Variants in ZNF536 observed in about 807,000 individuals in gnomAD.
The protein encoded by ZNF536 is zinc finger protein 536.
In ZNF536, 13 loss-of-function variants were observed where a neutral mutation model predicts 84.5. The observed-to-expected ratio is 0.15, with a 90% CI of 0.10 to 0.24. The LOEUF is 0.24. Ranked by LOEUF, ZNF536 falls within the 10% of genes least tolerant of loss-of-function variation. The pLI is 1.00. For missense variants in ZNF536, 1,536 were observed against 1,747.5 expected (o/e 0.88, Z 2.16); for synonymous variants, 811 against 742.5 (o/e 1.09, Z -1.50).
intron 1 of ZNF536, among the ~76,000 whole-genome samples, chr19:30,386,466 T>C (rs894994039): frequency 7.2e-5 from 11 of 152,176 alleles, no homozygotes; most frequent in Non-Finnish European, 1.6e-4. Flanking sequence ...AGAGTCGACC[T>C]CTCTGGGCTC....
intron 2 of ZNF536, among the ~76,000 whole-genome samples, chr19:30,325,270 T>C (rs1321775862): frequency 6.6e-6 from 1 of 152,210 alleles, no homozygotes; most frequent in Admixed American, 6.5e-5. Flanking sequence ...GATTTGCCTG[T>C]GACTCTCACC....
At chr19:30,368,246 C>T (rs1271247309), upstream of ZNF536, among the ~76,000 whole-genome samples, 1 of 152,218 alleles carries the variant, frequency 6.6e-6, no homozygotes, top group Admixed American at 6.5e-5. Flanking sequence ...AAACACAAGT[C>T]GTGTTCTTCC....
intron 1 of ZNF536, among the ~76,000 whole-genome samples, chr19:30,696,081 C>T (rs1314230832): frequency 1.3e-5 from 2 of 152,208 alleles, no homozygotes; most frequent in South Asian, 2.1e-4. Context: ...ATACACAACT[C>T]TAGCTTTGTT....
chr19:30,495,885 C>T (rs761243610), intron 2 of ZNF536, among the ~76,000 whole-genome samples: 3 of 152,090 alleles, frequency 2.0e-5, no homozygotes, highest in Admixed American at 2.0e-4. Flanking sequence ...GACTTTGTAG[C>T]GGATGGTTTC....
chr19:30,400,082 C>G (rs1165423717), intron 1 of ZNF536, among the ~76,000 whole-genome samples: 3 of 152,050 alleles, frequency 2.0e-5, no homozygotes, highest in Non-Finnish European at 4.4e-5. Flanking sequence ...TTCTGAGTAG[C>G]ACCTCATGGC....
chr19:30,338,960 C>G (rs961384314), intron 2 of ZNF536, among the ~76,000 whole-genome samples: 1 of 152,138 alleles, frequency 6.6e-6, no homozygotes, highest in Admixed American at 6.5e-5. Flanking sequence ...GAGTGCAGCA[C>G]CTGCCAGCCC....
chr19:30,669,718 C>G (rs2050471875), intron 1 of ZNF536, among the ~76,000 whole-genome samples: 1 of 152,232 alleles, frequency 6.6e-6, no homozygotes, highest in South Asian at 2.1e-4. Flanking sequence ...CACCAACTGA[C>G]AAACACCCAA....
chr19:30,642,842 T>A (rs1328533555), intron 1 of ZNF536, among the ~76,000 whole-genome samples: 1 of 152,142 alleles, frequency 6.6e-6, no homozygotes, highest in Non-Finnish European at 1.5e-5. Context: ...GATCTCTTTG[T>A]CCTGAGCACC....
At chr19:30,311,478 T>C (rs577928553) in intron 2 of ZNF536, among the ~76,000 whole-genome samples, 145 of 152,386 alleles carry the variant, frequency 9.5e-4, no homozygotes, top group African/African-American at 3.4e-3. Flanking sequence ...TCTGGTGCCC[T>C]AGGCAGGTGC....
chr19:30,711,756 C>A (rs1467782494), exon 2 of ZNF536: 1 of 151,302 alleles, frequency 6.6e-6, no homozygotes, highest in African/African-American at 2.4e-5. Context: ...GCCTTTTCTT[C>A]TTTTTTAAAA....
intron 1 of ZNF536, among the ~76,000 whole-genome samples, chr19:30,699,869 C>G (rs563731770): frequency 9.4e-4 from 143 of 152,312 alleles, no homozygotes; most frequent in African/African-American, 3.4e-3. Flanking sequence ...ACCCTGCAGG[C>G]CTGACCCACT....
At position 30,470,754 on chromosome 19, in the gene ZNF536, C is replaced by T. The variant is rs1473347392; in HGVS notation, c.2170+25022C>T. On this transcript the variant is annotated intron_variant, in intron 2 of 4. Coordinates refer to ENST00000355537, the MANE Select transcript of ZNF536 (RefSeq NM_014717.3). Reference sequence around the variant, plus strand: ...AGGCTGGAGTGCAGTGGTGTGGTCTCGGCTCACTGCAGCCTCCACCTCCCT... The same window carrying T: ...AGGCTGGAGTGCAGTGGTGTGGTCTTGGCTCACTGCAGCCTCCACCTCCCT... Among the ~76,000 whole-genome samples the T allele has an allele frequency of 7.5e-5, 11 of 147,062 alleles. No individual in the cohort carries two copies. The South Asian group carries it at 2.2e-3, about 29-fold the overall frequency.
At chr19:30,567,815 C>T (rs1217686619) in intron 1 of ZNF536, among the ~76,000 whole-genome samples, 3 of 152,162 alleles carry the variant, frequency 2.0e-5, no homozygotes, top group Admixed American at 1.3e-4. Context: ...TTCACATGTG[C>T]CCAATTACCT....
At chr19:30,678,930 C>T (rs1391802239) in intron 1 of ZNF536, among the ~76,000 whole-genome samples, 1 of 152,026 alleles carries the variant, frequency 6.6e-6, no homozygotes, top group Non-Finnish European at 1.5e-5. Context: ...AGTGAGACTC[C>T]ATCCTAAAAA....
chr19:30,228,771 G>C lies in ZNF536; in HGVS notation c.-190+98G>C, dbSNP rs1346631922. On this transcript the variant is annotated intron_variant, in intron 1 of 5. Coordinates refer to the ZNF536 transcript ENST00000585628. The surrounding 1 kb of genome is among the most constrained non-coding windows in gnomAD (Gnocchi z 4.5). ...GCGCGCCGCCCCGGGCCGGCCTCGC[G>C]TGTGGGCGGCTGGGCGGCTGGGCGG... 3.3e-5 allele frequency: 5 copies of C among 150,932 alleles called. No homozygotes were observed. Among genetic ancestry groups the C allele is most frequent in the Admixed American group, 1.3e-4 (2 of 15,158 alleles). The allele number at this position is 150,932 out of a possible 1,614,324, so 9.3% of individuals were successfully genotyped here.
At chr19:30,289,347 A>G (rs1302095643) in intron 2 of ZNF536, among the ~76,000 whole-genome samples, 2 of 152,228 alleles carry the variant, frequency 1.3e-5, no homozygotes, top group Non-Finnish European at 2.9e-5. Flanking sequence ...TAATTGTACC[A>G]TCGTAACCAC....
At chr19:30,675,399 C>T (rs757447728) in intron 1 of ZNF536, among the ~76,000 whole-genome samples, 3 of 152,122 alleles carry the variant, frequency 2.0e-5, no homozygotes, top group East Asian at 1.9e-4. Context: ...TGAGAAAGGA[C>T]GCTGTTCCTA....
At chr19:30,638,175 G>A (rs994374977) in intron 1 of ZNF536, among the ~76,000 whole-genome samples, 1 of 152,220 alleles carries the variant, frequency 6.6e-6, no homozygotes, top group African/African-American at 2.4e-5. Flanking sequence ...AGAAAGCCAG[G>A]CCAGGGTGGC....
chr19:30,704,374 C>G (rs951652954), intron 1 of ZNF536, among the ~76,000 whole-genome samples: 1 of 152,076 alleles, frequency 6.6e-6, no homozygotes, highest in Non-Finnish European at 1.5e-5. Context: ...GGGCTGGGCA[C>G]AGTGGTTCAC....
Sources: allele counts gnomAD v4.1 joint callset (sites outside exome capture counted in the v4.1 genomes callset), GRCh38; gene constraint gnomAD v4.1.1; non-coding constraint Gnocchi (gnomAD v3.1); transcripts MANE v1.5; gene names NCBI Gene and HGNC (gene_info 2026-07-23, HGNC 2026-07-21).